Variants in CRYL1 observed in about 807,000 individuals in gnomAD.
The protein encoded by CRYL1 is lambda-crystallin homolog.
CRYL1 carries 29 observed loss-of-function variants against 36.6 expected under a neutral mutation model. That is an observed-to-expected ratio of 0.79 (90% CI 0.59 to 1.08). CRYL1 has a LOEUF of 1.08. Ranked by LOEUF, CRYL1 falls within the 50% of genes least tolerant of loss-of-function variation. CRYL1 has a pLI of 0.00. For synonymous variants in CRYL1, 152 were observed against 151.5 expected, an observed-to-expected ratio of 1.00 and a Z score of -0.02; for missense variants, 411 against 407.9, an observed-to-expected ratio of 1.01 and a Z score of -0.06.
chr13:20,454,708 C>T (rs60864088), intron 3 of CRYL1, among the ~76,000 whole-genome samples: 32 of 152,194 alleles, frequency 2.1e-4, no homozygotes, highest in Admixed American at 3.9e-4. Context: ...CGTGAGCCAC[C>T]GCACCCGACC....
rs1354051588 is a variant in CRYL1, at chr13:20,413,239, C to T, written c.739+43G>A. The T allele has an allele frequency of 2.9e-6, 4 of 1,359,748 alleles. No individual in the cohort carries two copies. The Admixed American group carries it at 7.1e-5, about 24-fold the overall frequency. The allele number at this position is 1,359,748 out of a possible 1,614,324, so 84.2% of individuals were successfully genotyped here. A position where few individuals can be genotyped will look rare whatever the true frequency, so the allele number is the denominator to read the frequency against. ...TGACTGTTTACAAAACCCATGACAA[C>T]ACTAAATAGAATGGAATTCCCATCC... On this transcript the variant is annotated intron_variant, in intron 6 of 7. Coordinates refer to ENST00000298248, the MANE Select transcript of CRYL1 (RefSeq NM_015974.3).
chr13:20,520,872 G>A (rs1247630630), intron 1 of CRYL1, among the ~76,000 whole-genome samples: 1 of 152,132 alleles, frequency 6.6e-6, no homozygotes, highest in Non-Finnish European at 1.5e-5. Context: ...TTGGGAGGCC[G>A]AGGTGGGTGG....
intron 6 of CRYL1, among the ~76,000 whole-genome samples, chr13:20,407,917 G>A (rs1214967921): frequency 6.6e-6 from 1 of 152,156 alleles, no homozygotes; most frequent in Non-Finnish European, 1.5e-5. Context: ...CACCAGAGGA[G>A]GCCTTAACCC....
chr13:20,476,283 A>T (rs1276147886), intron 3 of CRYL1, among the ~76,000 whole-genome samples: 2 of 149,926 alleles, frequency 1.3e-5, no homozygotes, highest in African/African-American at 4.9e-5. Context: ...GGAACCCGGG[A>T]GGCAGAGGCT....
intron 3 of CRYL1, among the ~76,000 whole-genome samples, chr13:20,472,148 A>G (rs1242343275): frequency 1.3e-5 from 2 of 152,140 alleles, no homozygotes; most frequent in African/African-American, 4.8e-5. Flanking sequence ...GGTATGAGCC[A>G]CCACATCCGG....
chr13:20,513,725 G>C (rs1200034757), intron 1 of CRYL1: 4 of 152,000 alleles, frequency 2.6e-5, no homozygotes, highest in South Asian at 2.1e-4. Context: ...AGTTCACATG[G>C]GGTTGTTCAA....
intron 1 of CRYL1, among the ~76,000 whole-genome samples, chr13:20,517,880 G>C (rs1222601916): frequency 6.9e-6 from 1 of 144,954 alleles, no homozygotes; most frequent in Non-Finnish European, 1.5e-5. Context: ...AGCTTGCAGT[G>C]AGCCGAGATC....
At chr13:20,414,344 T>C (rs548211160) in intron 5 of CRYL1, among the ~76,000 whole-genome samples, 1 of 152,154 alleles carries the variant, frequency 6.6e-6, no homozygotes, top group South Asian at 2.1e-4. Context: ...TCAATTCCTC[T>C]TGACCTCCCT....
intron 1 of CRYL1, among the ~76,000 whole-genome samples, chr13:20,514,193 A>G (rs1277753306): frequency 6.6e-6 from 1 of 152,248 alleles, no homozygotes; most frequent in Admixed American, 6.5e-5. Context: ...CAAAAAGCAC[A>G]GTATGGAAGA....
chr13:20,479,393 T>G (rs1198980308), intron 3 of CRYL1, among the ~76,000 whole-genome samples: 2 of 152,168 alleles, frequency 1.3e-5, no homozygotes, highest in Non-Finnish European at 2.9e-5. Flanking sequence ...AGTAATTCCC[T>G]ATGAATGAAC....
At chr13:20,513,956 T>C (rs943995298) in intron 1 of CRYL1, among the ~76,000 whole-genome samples, 2 of 142,502 alleles carry the variant, frequency 1.4e-5, no homozygotes, top group African/African-American at 5.2e-5. Context: ...GTCAAAGGGA[T>C]AGGGGCCCGA....
At chr13:20,414,314 C>A (rs150133039) in intron 5 of CRYL1, among the ~76,000 whole-genome samples, 1,965 of 152,044 alleles carry the variant, frequency 0.013, 38 homozygotes, top group African/African-American at 0.044. Flanking sequence ...TCCATCCCTG[C>A]AATCTACTAG....
chr13:20,505,359 C>CAAAA lies in CRYL1; in HGVS notation c.149+7080_149+7083dup, dbSNP rs61380702. On this transcript the variant is annotated intron_variant, in intron 2 of 7. Transcript: ENST00000298248. ...GCAACAAAGTGAGACTCTATCCCAC[C>CAAAA]AAAAAAAAAAAAAAAAAAAAAAATC... Among the ~76,000 whole-genome samples, 25 of 91,204 alleles carry CAAAA rather than the reference C, an allele frequency of 2.7e-4. 1 individual carries two copies. Among genetic ancestry groups the CAAAA allele is most frequent in the Admixed American group, 3.6e-4 (3 of 8,314 alleles). The allele number at this position is 91,204 out of a possible 152,430, so 59.8% of individuals were successfully genotyped here.
intron 6 of CRYL1, 103 bp downstream of exon 6, chr13:20,413,179 A>G (rs1327840766): frequency 2.8e-6 from 2 of 722,476 alleles, no homozygotes; most frequent in East Asian, 2.6e-5. Context: ...TCTCCTATAT[A>G]CTGTCTCTAT....
At chr13:20,418,535 T>C (rs556944247) in intron 5 of CRYL1, 1 of 152,222 alleles carries the variant, frequency 6.6e-6, no homozygotes, top group Non-Finnish European at 1.5e-5. Flanking sequence ...GAACCATCTT[T>C]CCTTCTCTAT....
intron 3 of CRYL1, among the ~76,000 whole-genome samples, chr13:20,444,286 T>G (rs2032409539): frequency 6.6e-6 from 1 of 152,218 alleles, no homozygotes; most frequent in Non-Finnish European, 1.5e-5. Context: ...AATTTTTAAT[T>G]AAATAAAAGC....
chr13:20,483,873 G>A (rs2033335587), intron 3 of CRYL1, among the ~76,000 whole-genome samples: 1 of 152,136 alleles, frequency 6.6e-6, no homozygotes, highest in Non-Finnish European at 1.5e-5. Flanking sequence ...CTGGAGTGCA[G>A]TGGCGCGATC....
At chr13:20,419,936 C>G (rs1237926661) in intron 5 of CRYL1, among the ~76,000 whole-genome samples, 3 of 152,208 alleles carry the variant, frequency 2.0e-5, no homozygotes, top group Admixed American at 1.3e-4. Context: ...ACGCCACCTT[C>G]CAGGGAGAAG....
chr13:20,485,606 T>C (rs972130795), intron 3 of CRYL1, among the ~76,000 whole-genome samples: 8 of 151,190 alleles, frequency 5.3e-5, no homozygotes, highest in African/African-American at 1.9e-4. Context: ...GAGGTGGAGG[T>C]TGCAGGGAGC....
Sources: allele counts gnomAD v4.1 joint callset (sites outside exome capture counted in the v4.1 genomes callset), GRCh38; gene constraint gnomAD v4.1.1; transcripts MANE v1.5; gene names NCBI Gene and HGNC (gene_info 2026-07-23, HGNC 2026-07-21).